Variants in TNNT1 observed in about 807,000 individuals in gnomAD.
TNNT1 encodes the protein troponin T, slow skeletal muscle.
A neutral mutation model predicts 50.6 loss-of-function variants in TNNT1; 53 were observed. The ratio of observed to expected loss-of-function variants is 1.05; its 90% CI spans 0.84 to 1.32. TNNT1 has a LOEUF of 1.32. Among genes scored for constraint, TNNT1 ranks in the 40% most tolerant of loss-of-function variants. The probability of loss-of-function intolerance (pLI) is 0.00; values close to 1 mark genes in which losing one functional copy is unlikely to be tolerated. For synonymous variants in TNNT1, 142 were observed against 138.0 expected (o/e 1.03, Z -0.20); for missense variants, 348 against 381.7 (o/e 0.91, Z 0.74).
chr19:55,147,034 G>A lies in TNNT1; in HGVS notation c.33-13C>T. On this transcript the variant is annotated splice_polypyrimidine_tract_variant and intron_variant, in intron 2 of 13. Coordinates refer to ENST00000588981, the MANE Select transcript of TNNT1 (RefSeq NM_003283.6). ...TTCCGGCTGCTCCCTGCGGACGGGTGTGGGGAGAGAGGAGGGAGGGGAGAG... is the reference window on the plus strand; with the variant it reads ...TTCCGGCTGCTCCCTGCGGACGGGTATGGGGAGAGAGGAGGGAGGGGAGAG... The A allele has an allele frequency of 6.2e-7, 1 of 1,612,544 alleles. No homozygotes were observed. The highest frequency in any genetic ancestry group is 8.5e-7 in the Non-Finnish European group (1 of 1,179,604).
Position 55,147,324 on chromosome 19 carries a change from G to C in TNNT1, c.-11-156C>G, listed in dbSNP as rs111759996. On this transcript the variant is annotated intron_variant, in intron 1 of 13. Coordinates refer to ENST00000588981, the MANE Select transcript of TNNT1 (RefSeq NM_003283.6). ...GGAGCTGGGGTCTGGACTCCTGGGT[G>C]TGAGAGAGGAGGAGCTGGGGCCTGG... 0.064 allele frequency: 41,395 copies of C among 646,712 alleles called. 2,382 individuals are homozygous for C. Among genetic ancestry groups the C allele is most frequent in the Non-Finnish European group, 0.078 (29,413 of 377,450 alleles). 40.1% of individuals were successfully genotyped at this position (646,712 alleles called of 1,614,324 possible).
At position 55,144,324 on chromosome 19, in the gene TNNT1, C is replaced by T. The variant is rs549731835; in HGVS notation, c.128+1220G>A. Among the ~76,000 whole-genome samples, 13 of 152,232 alleles carry T rather than the reference C, an allele frequency of 8.5e-5. No individual in the cohort carries two copies. The East Asian group carries it at 2.5e-3, about 29-fold the overall frequency. On this transcript the variant is annotated intron_variant, in intron 6 of 13. Transcript: ENST00000588981. ...ACCTTAGGTAATCCGCCCCCCTCAG[C>T]CTCCCAAAGTGCTGGAATTACAGGC...
intron 9 of TNNT1, among the ~76,000 whole-genome samples, chr19:55,138,967 T>C (rs974238937): frequency 1.3e-5 from 2 of 152,206 alleles, no homozygotes; most frequent in Non-Finnish European, 2.9e-5. Flanking sequence ...TGAGGCTTTT[T>C]GTACACCCAG....
intron 1 of TNNT1, among the ~76,000 whole-genome samples, chr19:55,148,882 A>G (rs2085629117): frequency 6.6e-6 from 1 of 151,882 alleles, no homozygotes; most frequent in African/African-American, 2.4e-5. Context: ...GATTTCCCCC[A>G]GATTCCCAGA....
At chr19:55,133,680 T>C in intron 13 of TNNT1, 1 of 486,098 alleles carries the variant, frequency 2.1e-6, no homozygotes, top group Non-Finnish European at 3.5e-6. Context: ...GCAGTCTCAA[T>C]AAAAAAAAAA....
At chr19:55,142,019 G>T in intron 6 of TNNT1, 99 bp from the exon 7 acceptor site, 2 of 1,238,250 alleles carry the variant, frequency 1.6e-6, no homozygotes, top group South Asian at 1.2e-5. Context: ...CGCCAGCCCC[G>T]GGAGGCTCCT....
chr19:55,144,841 G>T (rs750489590), intron 6 of TNNT1, among the ~76,000 whole-genome samples: 12 of 152,210 alleles, frequency 7.9e-5, no homozygotes, highest in Non-Finnish European at 1.6e-4. Flanking sequence ...GTTGAGGAAA[G>T]ATTCTGAGCA....
At chr19:55,142,052 G>A in intron 6 of TNNT1, 132 bp from the exon 7 acceptor site, 1 of 830,218 alleles carries the variant, frequency 1.2e-6, no homozygotes, top group South Asian at 1.4e-5. Context: ...TCCCAGCTGA[G>A]GCGGGCTGTC....
chr19:55,141,085 C>G (rs2085444147), intron 8 of TNNT1, 101 bp downstream of exon 8: 2 of 1,472,190 alleles, frequency 1.4e-6, no homozygotes, highest in Non-Finnish European at 1.9e-6. Flanking sequence ...GCCTAAGGCT[C>G]AGCTCTGTAC....
rs141764772 is a variant in TNNT1 at position 55,138,370 on chromosome 19, C to T, written c.388-296G>A. On this transcript the variant is annotated intron_variant, in intron 9 of 13. Coordinates refer to ENST00000588981, the MANE Select transcript of TNNT1 (RefSeq NM_003283.6). ...TTGGCTCACTGCAACCTCCGCCTCC[C>T]GGGTTTAAGCAATTCTCCAGCCTCA... Among the ~76,000 whole-genome samples the T allele has an allele frequency of 6.0e-3, 905 of 152,060 alleles. 9 individuals are homozygous for T. Among genetic ancestry groups the T allele is most frequent in the African/African-American group, 0.021 (854 of 41,468 alleles).
At chr19:55,139,131 C>G (rs1379224915) in intron 9 of TNNT1, among the ~76,000 whole-genome samples, 1 of 152,168 alleles carries the variant, frequency 6.6e-6, no homozygotes, top group African/African-American at 2.4e-5. Flanking sequence ...TCCCAAGTAA[C>G]TGGGATTACA....
chr19:55,140,296 CAAAAAATA>C (rs902221359), intron 9 of TNNT1, among the ~76,000 whole-genome samples: 5 of 151,274 alleles, frequency 3.3e-5, no homozygotes, highest in South Asian at 2.1e-4. Flanking sequence ...GCTGTCTCTA[CAAAAAATA>C]AAAAAATAAA....
In TNNT1 at chr19:55,132,757, T is replaced by A; in HGVS notation, c.*158A>T. On this transcript the variant is annotated 3_prime_UTR_variant, in exon 14 of 14. Coordinates refer to ENST00000588981, the MANE Select transcript of TNNT1 (RefSeq NM_003283.6). Reference sequence around the variant, plus strand: ...GGTGACACTCTTTCAAGTAACTTGTTGGTAATAAGAAGTCAATTAACCAGG... The same window carrying A: ...GGTGACACTCTTTCAAGTAACTTGTAGGTAATAAGAAGTCAATTAACCAGG... 1.4e-6 allele frequency: 1 copy of A among 707,448 alleles called. No individual in the cohort carries two copies. Among genetic ancestry groups the A allele is most frequent in the South Asian group, 1.6e-5 (1 of 60,698 alleles). The allele number at this position is 707,448 out of a possible 1,614,324, so 43.8% of individuals were successfully genotyped here. A position where few individuals can be genotyped will look rare whatever the true frequency, so the allele number is the denominator to read the frequency against.
Position 55,145,311 on chromosome 19 carries a change from G to A in TNNT1, c.128+233C>T. Reference sequence around the variant, plus strand: ...GACTATGACCACGATGAAGAAGAAGGGGAAGGAGAAGGAGAAGGGGAAGGG... The same window carrying A: ...GACTATGACCACGATGAAGAAGAAGAGGAAGGAGAAGGAGAAGGGGAAGGG... On this transcript the variant is annotated intron_variant, in intron 6 of 13. Transcript: ENST00000588981. 4 of 585,612 alleles carry A rather than the reference G, an allele frequency of 6.8e-6. No homozygotes were observed. The South Asian group carries it at 8.0e-5, about 12-fold the overall frequency. The allele number at this position is 585,612 out of a possible 1,614,324, so 36.3% of individuals were successfully genotyped here.
intron 4 of TNNT1, 59 bp downstream of exon 4, chr19:55,146,622 G>C: frequency 8.1e-7 from 1 of 1,235,492 alleles, no homozygotes; most frequent in Non-Finnish European, 1.1e-6. Context: ...CTCCTCCCGG[G>C]CCCAGCGTCC....
chr19:55,138,095 A>G (rs761921823), intron 9 of TNNT1, 21 bp from the exon 10 acceptor site: 1 of 1,613,938 alleles, frequency 6.2e-7, no homozygotes, highest in East Asian at 2.2e-5. Flanking sequence ...TAAGGGGTTA[A>G]CCTCATGGAC....
chr19:55,146,284 G>C, intron 5 of TNNT1, 150 bp downstream of exon 5: 1 of 463,384 alleles, frequency 2.2e-6, no homozygotes, highest in Non-Finnish European at 3.6e-6. Context: ...GAGGGCGCAG[G>C]AGCTCTCAGG....
chr19:55,145,460 G>A (rs755697428), intron 6 of TNNT1, 84 bp downstream of exon 6: 1 of 1,378,332 alleles, frequency 7.3e-7, no homozygotes, highest in Non-Finnish European at 1.0e-6. Context: ...CTCCATCTCT[G>A]CCTTTCTCAC....
rs755452923 is a variant in TNNT1 at position 55,132,867 on chromosome 19, G to A, written c.*48C>T. On this transcript the variant is annotated 3_prime_UTR_variant, in exon 14 of 14. Coordinates refer to ENST00000588981, the MANE Select transcript of TNNT1 (RefSeq NM_003283.6). ...AGCGTTTATTTCAAGCTACCGATGG[G>A]ACAAACACTCCCAGGCTTCCCAGGT... The A allele has an allele frequency of 1.3e-6, 2 of 1,567,298 alleles. No homozygotes were observed. Among genetic ancestry groups the A allele is most frequent in the South Asian group, 1.2e-5 (1 of 85,592 alleles).
Sources: allele counts gnomAD v4.1 joint callset (sites outside exome capture counted in the v4.1 genomes callset), GRCh38; gene constraint gnomAD v4.1.1; transcripts MANE v1.5; gene names NCBI Gene and HGNC (gene_info 2026-07-23, HGNC 2026-07-21).